SCHIP1: variants seen among roughly 807,000 people sequenced by gnomAD.
SCHIP1 encodes schwannomin-interacting protein 1.
A neutral mutation model predicts 29.7 loss-of-function variants in SCHIP1; 8 were observed. The ratio of observed to expected loss-of-function variants is 0.27; its 90% confidence interval spans 0.16 to 0.49. The LOEUF is 0.49. Among genes scored for constraint, SCHIP1 ranks in the 20% least tolerant of loss-of-function variants. The pLI, the probability that SCHIP1 is intolerant of heterozygous loss-of-function variation, is 0.99. For synonymous variants in SCHIP1, 76 were observed against 94.9 expected (o/e 0.80, Z 1.16); for missense variants, 193 against 294.6 (o/e 0.66, Z 2.52).
the SCHIP1 span, among the ~76,000 whole-genome samples, chr3:159,602,420 A>T: frequency 3.4e-3 from 516 of 152,288 alleles, 3 homozygotes; most frequent in African/African-American, 0.012. Flanking sequence ...AAAAGAAAAC[A>T]TCAGGCCGGG....
At chr3:159,515,567 A>G in the SCHIP1 span, among the ~76,000 whole-genome samples, 20 of 152,246 alleles carry the variant, frequency 1.3e-4, no homozygotes, top group Non-Finnish European at 5.9e-5. Flanking sequence ...ATTGCTTGCC[A>G]TACATTTTGT....
the SCHIP1 span, among the ~76,000 whole-genome samples, chr3:159,400,339 G>T: frequency 2.6e-5 from 4 of 152,134 alleles, no homozygotes; most frequent in African/African-American, 9.7e-5. Context: ...AGAGACAATT[G>T]GTTAAGAAAT....
the SCHIP1 span, among the ~76,000 whole-genome samples, chr3:159,627,373 G>A: frequency 3.3e-5 from 5 of 152,216 alleles, no homozygotes; most frequent in South Asian, 4.1e-4. Flanking sequence ...GCCCCAGGCA[G>A]AGAAAAGACA....
the SCHIP1 span, among the ~76,000 whole-genome samples, chr3:159,553,536 A>T: frequency 6.6e-6 from 1 of 152,222 alleles, no homozygotes; most frequent in Non-Finnish European, 1.5e-5. Flanking sequence ...AACTTTAATA[A>T]CAGGATGTTT....
At chr3:159,853,513 G>A in intron 1 of SCHIP1, 1 of 664,736 alleles carries the variant, frequency 1.5e-6, no homozygotes, top group South Asian at 1.7e-5. Flanking sequence ...TCTAACTGGA[G>A]AAAGATCACC....
the SCHIP1 span, among the ~76,000 whole-genome samples, chr3:159,543,353 TCCC>T: frequency 2.0e-5 from 1 of 49,148 alleles, no homozygotes; most frequent in Non-Finnish European, 4.3e-5. Flanking sequence ...ATGCTATCCC[TCCC>T]CCCTCCCCCC....
the SCHIP1 span, among the ~76,000 whole-genome samples, chr3:159,727,936 G>GGTTT: frequency 2.1e-5 from 3 of 145,182 alleles, no homozygotes; most frequent in Non-Finnish European, 4.5e-5. Flanking sequence ...TTTTTTTTTT[G>GGTTT]GTTTGTTTGT....
At chr3:159,459,480 G>T in the SCHIP1 span, among the ~76,000 whole-genome samples, 2 of 151,962 alleles carry the variant, frequency 1.3e-5, no homozygotes, top group Non-Finnish European at 2.9e-5. Context: ...AAATGTCCTT[G>T]CCTGAAAAAG....
At chr3:159,831,916 T>G in the SCHIP1 span, among the ~76,000 whole-genome samples, 1 of 152,236 alleles carries the variant, frequency 6.6e-6, no homozygotes, top group East Asian at 1.9e-4. Context: ...GTCTGTTTAC[T>G]TACTCATTAT....
chr3:159,596,601 A>G, the SCHIP1 span, among the ~76,000 whole-genome samples: 2 of 152,222 alleles, frequency 1.3e-5, no homozygotes, highest in African/African-American at 2.4e-5. Context: ...AATATGCACC[A>G]TGGAATACTA....
At chr3:159,425,557 C>A in the SCHIP1 span, among the ~76,000 whole-genome samples, 1 of 152,116 alleles carries the variant, frequency 6.6e-6, no homozygotes, top group African/African-American at 2.4e-5. Flanking sequence ...CCTGAGTGAC[C>A]TACAAAGAGA....
At chr3:159,497,756 A>C in the SCHIP1 span, among the ~76,000 whole-genome samples, 1 of 152,074 alleles carries the variant, frequency 6.6e-6, no homozygotes, top group Non-Finnish European at 1.5e-5. Context: ...GTTGTTTTAC[A>C]CATTTAAAAT....
At chr3:159,657,535 T>A in the SCHIP1 span, among the ~76,000 whole-genome samples, 1 of 152,218 alleles carries the variant, frequency 6.6e-6, no homozygotes, top group Admixed American at 6.5e-5. Flanking sequence ...GAGAGAATAA[T>A]TTAAGTGATA....
chr3:159,443,190 G>A, the SCHIP1 span, among the ~76,000 whole-genome samples: 1 of 152,152 alleles, frequency 6.6e-6, no homozygotes, highest in African/African-American at 2.4e-5. Flanking sequence ...GAGGATGTTG[G>A]AAAAGTAAAT....
At chr3:159,643,372 T>C in the SCHIP1 span, among the ~76,000 whole-genome samples, 1 of 152,076 alleles carries the variant, frequency 6.6e-6, no homozygotes, top group Non-Finnish European at 1.5e-5. Flanking sequence ...AGAGTGGCTC[T>C]GACCCTGCAG....
At chr3:159,759,608 A>G in the SCHIP1 span, among the ~76,000 whole-genome samples, 1 of 152,214 alleles carries the variant, frequency 6.6e-6, no homozygotes, top group Non-Finnish European at 1.5e-5. Flanking sequence ...AGATAGGGCC[A>G]GAAACAAACC....
intron 2 of SCHIP1, among the ~76,000 whole-genome samples, chr3:159,875,396 T>C (rs1715699399): frequency 6.6e-6 from 1 of 152,180 alleles, no homozygotes; most frequent in African/African-American, 2.4e-5. Context: ...AGAATTCAAT[T>C]GCCTGAGCTA....
At chr3:159,404,692 C>G in the SCHIP1 span, among the ~76,000 whole-genome samples, 3 of 152,220 alleles carry the variant, frequency 2.0e-5, no homozygotes, top group Non-Finnish European at 4.4e-5. Flanking sequence ...TTGGAACCCA[C>G]CCAGGACTAG....
chr3:159,885,678 G>A (rs747235260), intron 2 of SCHIP1, among the ~76,000 whole-genome samples: 3 of 152,146 alleles, frequency 2.0e-5, no homozygotes, highest in Non-Finnish European at 4.4e-5. Context: ...TGATATAAAT[G>A]AGCTCCCTTG....
Sources: gnomAD v4.1 joint callset for allele counts (sites outside exome capture counted in the v4.1 genomes callset) on GRCh38, gnomAD v4.1.1 for gene constraint, MANE v1.5 for transcripts, NCBI Gene and HGNC (gene_info 2026-07-23, HGNC 2026-07-21) for gene names.